UGT1A8: variants seen among roughly 807,000 people sequenced by gnomAD.
UGT1A8 encodes the protein UDP-glucuronosyltransferase 1A8.
A neutral mutation model predicts 45.3 loss-of-function variants in UGT1A8; 39 were observed. The observed-to-expected ratio is 0.86, with a 90% CI of 0.67 to 1.12. The LOEUF (loss-of-function observed/expected upper bound fraction) is 1.12, where lower values mean the gene tolerates loss of function less well. Among genes scored for constraint, UGT1A8 ranks in the 50% most tolerant of loss-of-function variants. The probability of loss-of-function intolerance (pLI) is 0.00; values close to 1 mark genes in which losing one functional copy is unlikely to be tolerated. For missense variants in UGT1A8, 719 were observed against 664.9 expected, an observed-to-expected ratio of 1.08 and a Z score of -0.90; for synonymous variants, 275 against 249.2, an observed-to-expected ratio of 1.10 and a Z score of -0.97.
chr2:233,686,969 A>C (rs6753320), intron 1 of UGT1A8, among the ~76,000 whole-genome samples: 59,757 of 152,040 alleles, frequency 0.39, 11,937 homozygotes, highest in South Asian at 0.45. Flanking sequence ...TTAGCAAGGC[A>C]GGGAAGTTGT....
chr2:233,724,488 C>T (rs1473203423), intron 1 of UGT1A8, among the ~76,000 whole-genome samples: 4 of 72,584 alleles, frequency 5.5e-5, no homozygotes, highest in Non-Finnish European at 8.7e-5. Context: ...TCAGACGGGG[C>T]GGCCGGGCAG....
At chr2:233,743,149 A>G in intron 1 of UGT1A8, 1 of 356,554 alleles carries the variant, frequency 2.8e-6, no homozygotes, top group South Asian at 2.1e-5. Flanking sequence ...AAAGTCCGCT[A>G]TTCCTCCAGA....
intron 1 of UGT1A8, among the ~76,000 whole-genome samples, chr2:233,631,929 T>G (rs1408922575): frequency 6.6e-6 from 1 of 152,186 alleles, no homozygotes; most frequent in Non-Finnish European, 1.5e-5. Flanking sequence ...TCCTGAATGG[T>G]ATTGCCTAGG....
chr2:233,718,965 C>T (rs182680267), intron 1 of UGT1A8: 112 of 1,614,172 alleles, frequency 6.9e-5, no homozygotes, highest in African/African-American at 6.7e-4. Flanking sequence ...GGAGGCCTTG[C>T]GGGAGCTCCA....
At chr2:233,637,182 C>T in intron 1 of UGT1A8, 4 of 1,613,928 alleles carry the variant, frequency 2.5e-6, no homozygotes, top group Non-Finnish European at 3.4e-6. Flanking sequence ...ATTTATTTTG[C>T]CAGTATCTTT....
rs917793905 is a variant in UGT1A8 at position 233,621,406 on chromosome 2, T to G, written c.855+2844T>G. On this transcript the variant is annotated intron_variant, in intron 1 of 4. Coordinates refer to ENST00000373450, the MANE Select transcript of UGT1A8 (RefSeq NM_019076.5). ...CTTCGTCTATACCATCCATGGTAGG[T>G]TCAGCTCTGCAGACCTGGGGATGGA... is the stretch of plus-strand genomic sequence containing the variant. 8.5e-5 allele frequency among the ~76,000 whole-genome samples: 13 copies of G among 152,144 alleles called. 1 individual carries two copies. Among genetic ancestry groups the G allele is most frequent in the Non-Finnish European group, 1.9e-4 (13 of 68,032 alleles).
chr2:233,738,894 A>C lies in UGT1A8; in HGVS notation c.856-28140A>C. ...TCCAGGGCATGTCAGAGACCTTTGC[A>C]GCAGACCCTCCCATCACAGGCCTGG... On this transcript the variant is annotated intron_variant, in intron 1 of 4. Transcript: ENST00000373450. 2 of 152,268 alleles carry C rather than the reference A, an allele frequency of 1.3e-5. 1 individual carries two copies. Among genetic ancestry groups the C allele is most frequent in the Non-Finnish European group, 2.9e-5 (2 of 68,064 alleles). 9.4% of individuals were successfully genotyped at this position (152,268 alleles called of 1,614,324 possible).
intron 1 of UGT1A8, chr2:233,742,923 T>C (rs1692137211): frequency 5.3e-6 from 1 of 189,486 alleles, no homozygotes; most frequent in Admixed American, 5.4e-5. Context: ...AGTGCTGAAC[T>C]GAACATTCTG....
At chr2:233,636,861 C>A (rs746199187) in intron 1 of UGT1A8, 1 of 1,614,016 alleles carries the variant, frequency 6.2e-7, no homozygotes, top group African/African-American at 1.3e-5. Flanking sequence ...TGAGTTCATC[C>A]AGTGGTTTTC....
intron 4 of UGT1A8, chr2:233,770,334 G>T (rs1260169235): frequency 6.6e-6 from 1 of 152,106 alleles, no homozygotes; most frequent in East Asian, 1.9e-4. Flanking sequence ...GGCCATAATA[G>T]GTGCTCAATT....
At chr2:233,754,441 A>G (rs1275435430) in intron 1 of UGT1A8, 18 of 350,072 alleles carry the variant, frequency 5.1e-5, no homozygotes, top group Non-Finnish European at 5.6e-6. Context: ...AAGTGTTTAT[A>G]AATTCTTGGG....
In UGT1A8 at chr2:233,672,356, C is replaced by G. The variant is rs76167146; in HGVS notation, c.855+53794C>G. ...TTAGTAGAATACTTAAAGGAGAGTT[C>G]TTTTGATGCAGTGTTTCTCGATCCT... On this transcript the variant is annotated intron_variant, in intron 1 of 4. Transcript: ENST00000373450. 47 of 1,613,856 alleles carry G rather than the reference C, an allele frequency of 2.9e-5. No individual in the cohort carries two copies. The East Asian group carries it at 4.0e-4, about 14-fold the overall frequency.
rs368241628 is a variant in UGT1A8, at chr2:233,659,130, C to T, written c.855+40568C>T. Among the ~76,000 whole-genome samples the T allele has an allele frequency of 1.1e-4, 16 of 152,260 alleles. No individual in the cohort carries two copies. The East Asian group carries it at 2.7e-3, about 26-fold the overall frequency. On this transcript the variant is annotated intron_variant, in intron 1 of 4. Transcript: ENST00000373450. ...TGTTTTAGTTTTCAGTGTAGTCTTT[C>T]ACATCTTTGATCAGATTTATCCCTA...
intron 1 of UGT1A8, chr2:233,761,173 T>G (rs771182197): frequency 9.9e-6 from 16 of 1,614,128 alleles, no homozygotes; most frequent in Middle Eastern, 3.3e-4. Context: ...AGTGGGACTT[T>G]TACATGCGTA....
intron 1 of UGT1A8, chr2:233,713,686 C>T (rs779646185): frequency 1.2e-6 from 2 of 1,611,180 alleles, no homozygotes; most frequent in South Asian, 1.1e-5. Flanking sequence ...GCTCCTTATG[C>T]AAGCCTTGCC....
intron 1 of UGT1A8, chr2:233,760,440 G>A (rs1697447579): frequency 6.2e-7 from 1 of 1,614,228 alleles, no homozygotes; most frequent in Non-Finnish European, 8.5e-7. Flanking sequence ...AGCAGCTGCA[G>A]CAGAGGGGAC....
intron 1 of UGT1A8, among the ~76,000 whole-genome samples, chr2:233,666,555 G>A (rs1416611785): frequency 6.6e-6 from 1 of 151,972 alleles, no homozygotes; most frequent in Admixed American, 6.6e-5. Context: ...GAATTTTAAA[G>A]ATTATTTATA....
At chr2:233,620,017 G>A (rs2072972013) in intron 1 of UGT1A8, among the ~76,000 whole-genome samples, 1 of 152,106 alleles carries the variant, frequency 6.6e-6, no homozygotes, top group South Asian at 2.1e-4. Context: ...GAAACACCTG[G>A]TGTCTCATCT....
At chr2:233,656,385 T>C (rs2073853537) in intron 1 of UGT1A8, among the ~76,000 whole-genome samples, 2 of 152,214 alleles carry the variant, frequency 1.3e-5, no homozygotes, top group Non-Finnish European at 2.9e-5. Flanking sequence ...TCTTGTCCAA[T>C]GAAAGCAGTA....
Sources: allele counts gnomAD v4.1 joint callset (sites outside exome capture counted in the v4.1 genomes callset), GRCh38; gene constraint gnomAD v4.1.1; transcripts MANE v1.5; gene names NCBI Gene and HGNC (gene_info 2026-07-23, HGNC 2026-07-21).